The following FAM169A variants were observed in gnomAD, a reference collection of about 807,000 sequenced individuals.
FAM169A encodes the protein soluble lamin-associated protein of 75 kDa.
A neutral mutation model predicts 75.7 loss-of-function variants in FAM169A; 24 were observed. That is an observed-to-expected ratio of 0.32 (90% CI 0.23 to 0.45). The LOEUF (loss-of-function observed/expected upper bound fraction) is 0.45, where lower values mean the gene tolerates loss of function less well. Among genes scored for constraint, FAM169A ranks in the 20% least tolerant of loss-of-function variants. FAM169A has a pLI of 1.00. For synonymous variants in FAM169A, 271 were observed against 271.0 expected (o/e 1.00, Z 0.00); for missense variants, 673 against 784.0 (o/e 0.86, Z 1.69).
chr5:74,859,778 G>A (rs553967065), intron 1 of FAM169A, among the ~76,000 whole-genome samples: 1 of 152,232 alleles, frequency 6.6e-6, no homozygotes, highest in African/African-American at 2.4e-5. Flanking sequence ...AGCACTTTGG[G>A]AGGCTGAGGT....
chr5:74,795,094 C>T (rs542532463), intron 11 of FAM169A, among the ~76,000 whole-genome samples: 100 of 152,054 alleles, frequency 6.6e-4, no homozygotes, highest in Non-Finnish European at 1.2e-3. Context: ...CCCGTCTCTA[C>T]TAAAAATACA....
chr5:74,798,100 CA>C (rs1295382996), intron 10 of FAM169A, among the ~76,000 whole-genome samples: 1 of 151,988 alleles, frequency 6.6e-6, no homozygotes, highest in Non-Finnish European at 1.5e-5. Context: ...GCCCAAATGC[CA>C]AATCTCTCCA....
Position 74,805,093 on chromosome 5 carries a change from A to C in FAM169A, c.799+63T>G, listed in dbSNP as rs1167391933. On this transcript the variant is annotated intron_variant, in intron 7 of 12. Coordinates refer to ENST00000687041, the MANE Select transcript of FAM169A (RefSeq NM_001376049.1). ...GCTTTTTAAACTGGACTTATGGGCC[A>C]GCAAGGACAGGCTACCAAAAATAAA... 2.0e-6 allele frequency: 3 copies of C among 1,469,200 alleles called. No individual in the cohort carries two copies. The African/African-American group carries it at 4.2e-5, about 20-fold the overall frequency. The allele number at this position is 1,469,200 out of a possible 1,614,324, so 91.0% of individuals were successfully genotyped here. A position where few individuals can be genotyped will look rare whatever the true frequency, so the allele number is the denominator to read the frequency against.
intron 11 of FAM169A, among the ~76,000 whole-genome samples, chr5:74,788,311 A>AGCTG (rs1745798936): frequency 1.3e-5 from 2 of 152,304 alleles, no homozygotes; most frequent in East Asian, 3.9e-4. Context: ...CATACTTAAC[A>AGCTG]GCTGGCAGAG....
chr5:74,866,924 T>G (rs1580188247), upstream of FAM169A: 19 of 985,492 alleles, frequency 1.9e-5, no homozygotes, highest in Non-Finnish European at 2.2e-5. Context: ...CTACTGCCAC[T>G]TAGGTGCATG....
intron 1 of FAM169A, among the ~76,000 whole-genome samples, chr5:74,851,892 A>G (rs1336621793): frequency 6.6e-6 from 1 of 152,200 alleles, no homozygotes; most frequent in Non-Finnish European, 1.5e-5. Context: ...TAGTAAAGTT[A>G]ACAGGGATTG....
intron 1 of FAM169A, 65 bp downstream of exon 1, chr5:74,866,100 G>A (rs1750325921): frequency 2.4e-6 from 2 of 829,100 alleles, no homozygotes; most frequent in Non-Finnish European, 1.5e-6. Context: ...GCGGGGGCGC[G>A]GGGCCCGGCG....
Position 74,796,084 on chromosome 5 carries a change from A to G in FAM169A, c.1206T>C (p.Asp402=), listed in dbSNP as rs769448266. The G allele has an allele frequency of 6.2e-7, 1 of 1,614,076 alleles. No individual in the cohort carries two copies. The highest frequency in any genetic ancestry group is 8.5e-7 in the Non-Finnish European group (1 of 1,180,004). ...IEFEDESSDR[D]ARPALETQPQ... is the part of the protein sequence containing the mutation. ...GCTGGGTTTCCAGTGCTGGCCGTGC[A>G]TCTCTATCACTGCTTTCATCCTCAA... Residue 402 remains aspartate (D), a synonymous_variant, in exon 11 of 13, where the codon GAT becomes GAC. Coordinates refer to ENST00000687041, the MANE Select transcript of FAM169A (RefSeq NM_001376049.1).
intron 3 of FAM169A, among the ~76,000 whole-genome samples, chr5:74,839,834 A>G (rs1580149904): frequency 6.6e-6 from 1 of 152,024 alleles, no homozygotes; most frequent in Non-Finnish European, 1.5e-5. Flanking sequence ...ATGAGAGTCA[A>G]TTAAATCTCT....
chr5:74,841,609 T>C lies in FAM169A; in HGVS notation c.68A>G (p.Tyr23Cys), dbSNP rs770119051. The stretch of plus-strand genomic sequence containing the variant: ...GTCCCCACACCTTAAATCTGACATG[T>C]AATCTTCAGCAGAATTTTCCAATTC... ...HEELENSAED[Y>C]MSDLRCGDPE... is the part of the protein sequence containing the mutation. Residue 23 changes from tyrosine to cysteine, a missense_variant, in exon 2 of 13, where the codon TAC becomes TGC. Physicochemically the swap from Tyr to Cys is radical, Grantham distance 194. This residue lies in a region of FAM169A where 56 missense variants were observed against 52.2 expected (regional missense o/e 1.07). Transcript: ENST00000687041. 1 of 1,612,958 alleles carries C rather than the reference T, an allele frequency of 6.2e-7. No homozygotes were observed. Among genetic ancestry groups the C allele is most frequent in the South Asian group, 1.1e-5 (1 of 91,064 alleles).
intron 1 of FAM169A, among the ~76,000 whole-genome samples, chr5:74,861,069 T>A (rs7708203): frequency 6.6e-6 from 1 of 151,982 alleles, no homozygotes; most frequent in African/African-American, 2.4e-5. Context: ...CCCAAGAGGC[T>A]GACCTTGCGG....
intron 1 of FAM169A, among the ~76,000 whole-genome samples, chr5:74,852,890 T>A (rs1749514973): frequency 6.6e-6 from 1 of 152,174 alleles, no homozygotes; most frequent in Non-Finnish European, 1.5e-5. Context: ...TAGGTTGGAT[T>A]GGTAGGAAGA....
At chr5:74,847,079 TAAC>T (rs907913964) in intron 1 of FAM169A, among the ~76,000 whole-genome samples, 22 of 152,302 alleles carry the variant, frequency 1.4e-4, no homozygotes, top group African/African-American at 4.1e-4. Context: ...TCACTTAAAA[TAAC>T]AAAAAACCAA....
chr5:74,835,299 A>G (rs1748514607), intron 4 of FAM169A, among the ~76,000 whole-genome samples: 1 of 152,018 alleles, frequency 6.6e-6, no homozygotes, highest in South Asian at 2.1e-4. Flanking sequence ...GATATCAAAT[A>G]GTGAGGTGTT....
intron 4 of FAM169A, 128 bp downstream of exon 4, chr5:74,838,837 T>A: frequency 1.4e-6 from 1 of 716,604 alleles, no homozygotes; most frequent in Non-Finnish European, 2.4e-6. Context: ...ATCGTAAGAA[T>A]GAAATTCTAG....
At chr5:74,861,329 C>T (rs1391288064) in intron 1 of FAM169A, among the ~76,000 whole-genome samples, 2 of 152,178 alleles carry the variant, frequency 1.3e-5, no homozygotes, top group African/African-American at 4.8e-5. Flanking sequence ...AATATATACA[C>T]TGGTAGCTCC....
chr5:74,799,414 A>AT, intron 10 of FAM169A: 1 of 1,613,238 alleles, frequency 6.2e-7, no homozygotes, highest in East Asian at 2.2e-5. Context: ...TAAAAAGCTG[A>AT]TTCGCTCCAC....
intron 1 of FAM169A, among the ~76,000 whole-genome samples, chr5:74,853,050 G>T (rs1325010589): frequency 1.3e-5 from 2 of 152,172 alleles, no homozygotes; most frequent in Non-Finnish European, 2.9e-5. Context: ...CCTCCAGAGA[G>T]AAAGAATCTA....
At chr5:74,829,159 TA>T (rs1466556359) in intron 5 of FAM169A, among the ~76,000 whole-genome samples, 11 of 152,312 alleles carry the variant, frequency 7.2e-5, no homozygotes, top group Non-Finnish European at 1.5e-4. Context: ...TTCTGTGTCA[TA>T]AAAAGGCTTT....
Sources: allele counts gnomAD v4.1 joint callset (sites outside exome capture counted in the v4.1 genomes callset), GRCh38; gene constraint gnomAD v4.1.1; regional missense constraint gnomAD v4.1.1; transcripts MANE v1.5; gene names NCBI Gene and HGNC (gene_info 2026-07-23, HGNC 2026-07-21).